Variants in SLC39A9 observed in about 807,000 individuals in gnomAD.
SLC39A9 encodes solute carrier family 39 member 9, also known as zinc transporter ZIP9.
Under a neutral mutation model 28.4 loss-of-function variants are expected in SLC39A9, and 14 were observed. The observed-to-expected ratio is 0.49, with a 90% CI of 0.33 to 0.77. The LOEUF is 0.77. Among genes scored for constraint, SLC39A9 ranks in the 30% least tolerant of loss-of-function variants. The pLI is 0.02. For synonymous variants in SLC39A9, 119 were observed against 149.6 expected (o/e 0.80, Z 1.49); for missense variants, 283 against 381.1 (o/e 0.74, Z 2.14).
intron 6 of SLC39A9, among the ~76,000 whole-genome samples, chr14:69,457,916 A>G (rs1594955550): frequency 6.6e-6 from 1 of 152,350 alleles, no homozygotes; most frequent in East Asian, 1.9e-4. Context: ...GATACAGTCA[A>G]TGAATGGATG....
intron 1 of SLC39A9, among the ~76,000 whole-genome samples, chr14:69,408,333 A>G (rs1157645446): frequency 6.6e-6 from 1 of 152,126 alleles, no homozygotes; most frequent in East Asian, 1.9e-4. Context: ...GGTATTCTTT[A>G]TGTTAAACTT....
At position 69,460,770 on chromosome 14, in the gene SLC39A9, T is replaced by TC; in HGVS notation, c.*2178dup. 1.0e-6 allele frequency: 1 copy of TC among 985,476 alleles called. No individual in the cohort carries two copies. Among genetic ancestry groups the TC allele is most frequent in the Non-Finnish European group, 1.2e-6 (1 of 829,964 alleles). The allele number at this position is 985,476 out of a possible 1,614,324, so 61.0% of individuals were successfully genotyped here. On this transcript the variant is annotated 3_prime_UTR_variant, in exon 7 of 7. Coordinates refer to ENST00000336643, the MANE Select transcript of SLC39A9 (RefSeq NM_018375.5). ...ACCTCACTATTAACAAGCAAACCTT[T>TC]CAGGGCCCTCTTAGCTCTCAGAAGC...
chr14:69,417,830 A>G (rs1883660629), intron 1 of SLC39A9, among the ~76,000 whole-genome samples: 1 of 152,090 alleles, frequency 6.6e-6, no homozygotes, highest in Non-Finnish European at 1.5e-5. Context: ...GTATCCTGAG[A>G]CTTTGCTGAA....
At chr14:69,440,222 G>A (rs1884975678) in intron 2 of SLC39A9, among the ~76,000 whole-genome samples, 1 of 152,070 alleles carries the variant, frequency 6.6e-6, no homozygotes, top group Non-Finnish European at 1.5e-5. Flanking sequence ...GGAGGCACAG[G>A]GTTGCAGTGA....
intron 2 of SLC39A9, among the ~76,000 whole-genome samples, chr14:69,432,956 TC>T (rs1177896674): frequency 1.3e-5 from 2 of 152,222 alleles, no homozygotes; most frequent in African/African-American, 4.8e-5. Context: ...TAGTTTGAAA[TC>T]AGGTAATGTG....
chr14:69,460,390 A>T lies in SLC39A9; in HGVS notation c.*1797A>T, dbSNP rs1386674456. The T allele has an allele frequency of 1.0e-6, 1 of 985,380 alleles. No individual in the cohort carries two copies. Among genetic ancestry groups the T allele is most frequent in the Non-Finnish European group, 1.2e-6 (1 of 829,952 alleles). The allele number at this position is 985,380 out of a possible 1,614,324, so 61.0% of individuals were successfully genotyped here. ...AACAATTGCATACAATTTTACTACC[A>T]AGAGAAGGTATAGTATGGAAAGTCC... is the stretch of plus-strand genomic sequence containing the variant. On this transcript the variant is annotated 3_prime_UTR_variant, in exon 7 of 7. Transcript: ENST00000336643.
chr14:69,402,374 A>G (rs948621081), intron 1 of SLC39A9, among the ~76,000 whole-genome samples: 10 of 152,204 alleles, frequency 6.6e-5, no homozygotes, highest in Non-Finnish European at 1.0e-4. Flanking sequence ...TATGCTTTTT[A>G]TTCATGTTTT....
intron 3 of SLC39A9, 143 bp downstream of exon 3, chr14:69,442,409 T>A: frequency 2.6e-6 from 2 of 771,762 alleles, no homozygotes; most frequent in Non-Finnish European, 4.3e-6. Flanking sequence ...AACATTTAAC[T>A]AAGTGGGGAG....
chr14:69,406,850 T>TTG (rs1392704520), intron 1 of SLC39A9, among the ~76,000 whole-genome samples: 1 of 132,814 alleles, frequency 7.5e-6, no homozygotes, highest in Non-Finnish European at 1.6e-5. Context: ...AATTCTTTGT[T>TTG]TTTTTTTTTT....
intron 1 of SLC39A9, among the ~76,000 whole-genome samples, chr14:69,399,998 C>A (rs1275328799): frequency 6.6e-6 from 1 of 152,016 alleles, no homozygotes; most frequent in South Asian, 2.1e-4. Flanking sequence ...GTGGTTGAGG[C>A]TGCAGTGAGC....
intron 5 of SLC39A9, 135 bp downstream of exon 5, chr14:69,455,032 A>G (rs527477689): frequency 3.1e-6 from 2 of 650,386 alleles, no homozygotes; most frequent in African/African-American, 3.7e-5. Flanking sequence ...AAAATTGAAT[A>G]AATCTGTTCA....
chr14:69,430,702 C>G (rs1475112968), intron 2 of SLC39A9, among the ~76,000 whole-genome samples: 2 of 149,418 alleles, frequency 1.3e-5, no homozygotes, highest in Non-Finnish European at 3.0e-5. Context: ...ATGATCATAG[C>G]TCACTGTGAC....
In SLC39A9 at chr14:69,461,710, A is replaced by G. The variant is rs1418364152; in HGVS notation, c.*3117A>G. 6.5e-7 allele frequency: 1 copy of G among 1,535,990 alleles called. No individual in the cohort carries two copies. The highest frequency in any genetic ancestry group is 2.0e-5 in the Admixed American group (1 of 50,984). The stretch of plus-strand genomic sequence containing the variant: ...CTCTTTTTCAAGGATTAGAACTAAG[A>G]GGACACACCAGCATCGGAGTGTATT... On this transcript the variant is annotated 3_prime_UTR_variant, in exon 7 of 7. Coordinates refer to ENST00000336643, the MANE Select transcript of SLC39A9 (RefSeq NM_018375.5).
intron 1 of SLC39A9, among the ~76,000 whole-genome samples, chr14:69,410,015 A>G (rs1883180917): frequency 6.6e-6 from 1 of 152,144 alleles, no homozygotes; most frequent in African/African-American, 2.4e-5. Context: ...TGTATCAATG[A>G]TATATTTGTT....
intron 5 of SLC39A9, 147 bp downstream of exon 5, chr14:69,455,044 A>T: frequency 1.6e-6 from 1 of 610,494 alleles, no homozygotes; most frequent in Non-Finnish European, 2.8e-6. Context: ...ATCTGTTCAT[A>T]GCTTCTTGTT....
chr14:69,436,471 G>A (rs1055500278), intron 2 of SLC39A9, among the ~76,000 whole-genome samples: 7 of 152,130 alleles, frequency 4.6e-5, no homozygotes, highest in African/African-American at 7.2e-5. Context: ...TCTGAGTCCC[G>A]TCAAAATCTC....
intron 2 of SLC39A9, among the ~76,000 whole-genome samples, chr14:69,437,920 C>G (rs1185025192): frequency 6.6e-6 from 1 of 152,056 alleles, no homozygotes; most frequent in East Asian, 1.9e-4. Flanking sequence ...GCTAAGCTGT[C>G]TCCAGATTTT....
chr14:69,407,302 C>CCCTCCCTTCCTTCCTT (rs1882982588), intron 1 of SLC39A9, among the ~76,000 whole-genome samples: 40 of 143,928 alleles, frequency 2.8e-4, no homozygotes, highest in Non-Finnish European at 5.9e-4. Context: ...TCCCTTCCTT[C>CCCTCCCTTCCTTCCTT]CCTTCCTTCC....
At chr14:69,427,836 C>T (rs766447530) in intron 2 of SLC39A9, among the ~76,000 whole-genome samples, 1 of 152,188 alleles carries the variant, frequency 6.6e-6, no homozygotes, top group Non-Finnish European at 1.5e-5. Flanking sequence ...TGAACAGGAT[C>T]TACTTAGAGG....
Sources: gnomAD v4.1 joint callset for allele counts (sites outside exome capture counted in the v4.1 genomes callset) on GRCh38, gnomAD v4.1.1 for gene constraint, MANE v1.5 for transcripts, NCBI Gene and HGNC (gene_info 2026-07-23, HGNC 2026-07-21) for gene names.